TMPRSS2: variants seen among roughly 807,000 people sequenced by gnomAD.
TMPRSS2 encodes transmembrane protease serine 2.
A neutral mutation model predicts 67.4 loss-of-function variants in TMPRSS2; 59 were observed. The ratio of observed to expected loss-of-function variants is 0.88; its 90% CI spans 0.71 to 1.09. The LOEUF is 1.09. Among genes scored for constraint, TMPRSS2 ranks in the 50% least tolerant of loss-of-function variants. The pLI is 0.00. For missense variants in TMPRSS2, 668 were observed against 642.7 expected (o/e 1.04, Z -0.43); for synonymous variants, 257 against 257.0 (o/e 1.00, Z 0.00).
In TMPRSS2 at chr21:41,470,696, G is replaced by A. The variant is rs61735795; in HGVS notation, c.1123C>T (p.Pro375Ser). Residue 375 changes from proline to serine, a missense_variant, in exon 11 of 14, where the codon CCA becomes TCA. Coordinates refer to ENST00000332149, the MANE Select transcript of TMPRSS2 (RefSeq NM_005656.4). ...CCGGAAATCCAGCAGAGCTGTTCTG[G>A]CTGCAGCATCATGCCTGGGTTGGGC... is the stretch of plus-strand genomic sequence containing the variant. ...CLPNPGMMLQPEQLCWISGWG... is the reference protein window; with the variant it reads ...CLPNPGMMLQSEQLCWISGWG... The A allele has an allele frequency of 2.0e-4, 315 of 1,613,622 alleles. 4 individuals are homozygous for A. The African/African-American group carries it at 3.7e-3, about 19-fold the overall frequency.
At chr21:41,467,972 G>T (rs1569008410) in intron 12 of TMPRSS2, 86 bp from the exon 13 acceptor site, 8 of 1,497,854 alleles carry the variant, frequency 5.3e-6, no homozygotes, top group Non-Finnish European at 9.2e-7. Flanking sequence ...GAGTTGGGGG[G>T]CGGGGGTCGC....
chr21:41,466,619 AGGTGACGCCCCCTGGGC>A (rs1316673097), intron 13 of TMPRSS2, among the ~76,000 whole-genome samples: 13 of 152,114 alleles, frequency 8.5e-5, no homozygotes, highest in African/African-American at 3.1e-4. Flanking sequence ...GCCCTGGGCC[AGGTGACGCCCCCTGGGC>A]CCCATGGTCA....
intron 1 of TMPRSS2, among the ~76,000 whole-genome samples, chr21:41,506,837 G>A (rs890647448): frequency 6.6e-6 from 1 of 152,190 alleles, no homozygotes; most frequent in African/African-American, 2.4e-5. Flanking sequence ...GGAGGTTCTC[G>A]CGGCTGGGAG....
chr21:41,464,788 G>T lies in TMPRSS2; in HGVS notation c.*1354C>A, dbSNP rs975077386. The T allele has an allele frequency of 1.3e-5, 3 of 233,174 alleles. No homozygotes were observed. The highest frequency in any genetic ancestry group is 3.6e-4 in the South Asian group (2 of 5,524). 14.4% of individuals were successfully genotyped at this position (233,174 alleles called of 1,614,324 possible). Reference sequence around the variant, plus strand: ...CCTGGGAATGCTGCTCTCTACAGAGGCATGTGCACAGACAGATCCTGCAAA... The same window carrying T: ...CCTGGGAATGCTGCTCTCTACAGAGTCATGTGCACAGACAGATCCTGCAAA... On this transcript the variant is annotated 3_prime_UTR_variant, in exon 14 of 14. Transcript: ENST00000332149.
At chr21:41,479,103 C>A (rs1016063138) in intron 7 of TMPRSS2, 69 bp downstream of exon 7, 8 of 1,224,300 alleles carry the variant, frequency 6.5e-6, no homozygotes, top group African/African-American at 3.0e-5. Flanking sequence ...AGACTCAGGA[C>A]AACGATTCCC....
At chr21:41,493,423 G>A (rs1439909325) in intron 3 of TMPRSS2, among the ~76,000 whole-genome samples, 2 of 152,122 alleles carry the variant, frequency 1.3e-5, no homozygotes, top group East Asian at 3.9e-4. Context: ...GTGGGGGAGA[G>A]GTGGGGACAG....
chr21:41,485,003 GA>G (rs763401536), intron 5 of TMPRSS2, among the ~76,000 whole-genome samples: 1 of 151,888 alleles, frequency 6.6e-6, no homozygotes, highest in African/African-American at 2.4e-5. Context: ...AAACTCTCTG[GA>G]AAGAGAAGCA....
intron 3 of TMPRSS2, among the ~76,000 whole-genome samples, chr21:41,490,910 G>A (rs2091330325): frequency 6.6e-6 from 1 of 152,170 alleles, no homozygotes; most frequent in Admixed American, 6.5e-5. Context: ...GAGGTGGTGT[G>A]GCAGCCTGGA....
rs779855877 is a variant in TMPRSS2, at chr21:41,476,630, G to A, written c.684-10C>T. 1 of 1,489,336 alleles carries A rather than the reference G, an allele frequency of 6.7e-7. No homozygotes were observed. The highest frequency in any genetic ancestry group is 9.0e-7 in the Non-Finnish European group (1 of 1,113,842). The allele number at this position is 1,489,336 out of a possible 1,614,324, so 92.3% of individuals were successfully genotyped here. On this transcript the variant is annotated splice_polypyrimidine_tract_variant and intron_variant, in intron 7 of 13. Transcript: ENST00000332149. ...TGAAGAACAGGCATCACTGCAAAAAGAACAGGGGAAATTCTGGTCACGATA... is the reference window on the plus strand; with the variant it reads ...TGAAGAACAGGCATCACTGCAAAAAAAACAGGGGAAATTCTGGTCACGATA...
rs561179495 is a variant in TMPRSS2, at chr21:41,477,456, C to T, written c.684-836G>A. On this transcript the variant is annotated intron_variant, in intron 7 of 13. Transcript: ENST00000332149. ...CAGCTTTAGCCTAGCCTCATTCCAA[C>T]CTCCTCCTAGAAAAAAAATAATAAA... 2.6e-5 allele frequency among the ~76,000 whole-genome samples: 4 copies of T among 152,252 alleles called. No homozygotes were observed. The East Asian group carries it at 7.7e-4, about 29-fold the overall frequency.
At position 41,468,724 on chromosome 21, in the gene TMPRSS2, C is replaced by T. The variant is rs978602469; in HGVS notation, c.1172-186G>A. On this transcript the variant is annotated intron_variant, in intron 11 of 13. Transcript: ENST00000332149. ...TGGGAAACCTGGATTCTCCTTACAA[C>T]TGGCGGTGCCTGTGCTGAATGCAGC... is the stretch of plus-strand genomic sequence containing the variant. 1.2e-5 allele frequency: 7 copies of T among 602,762 alleles called. No homozygotes were observed. The African/African-American group carries it at 1.3e-4, about 11-fold the overall frequency. The allele number at this position is 602,762 out of a possible 1,614,324, so 37.3% of individuals were successfully genotyped here.
In TMPRSS2 at chr21:41,507,170, G is replaced by A. The variant is rs2091463624; in HGVS notation, c.-57+911C>T. The stretch of plus-strand genomic sequence containing the variant: ...GGCGCACAAACTTTCTGGACATGGG[G>A]CAGTTTTTCAGCTGGACCCGTGCTC... On this transcript the variant is annotated intron_variant, in intron 1 of 13. Transcript: ENST00000332149. 1.3e-5 allele frequency among the ~76,000 whole-genome samples: 2 copies of A among 152,212 alleles called. 1 individual carries two copies. Among genetic ancestry groups the A allele is most frequent in the Non-Finnish European group, 2.9e-5 (2 of 68,034 alleles).
intron 5 of TMPRSS2, among the ~76,000 whole-genome samples, chr21:41,484,934 A>G (rs1327237798): frequency 1.3e-5 from 2 of 152,176 alleles, no homozygotes; most frequent in Admixed American, 1.3e-4. Context: ...TCAACTGGCT[A>G]GGAACCACTG....
intron 1 of TMPRSS2, 145 bp from the exon 2 acceptor site, chr21:41,498,334 C>T (rs369566113): frequency 2.0e-5 from 12 of 598,580 alleles, no homozygotes; most frequent in South Asian, 1.7e-4. Context: ...CCTGCATCTT[C>T]ACCACTGCTT....
intron 11 of TMPRSS2, among the ~76,000 whole-genome samples, chr21:41,470,110 C>G (rs1215928200): frequency 6.6e-6 from 1 of 152,310 alleles, no homozygotes. Context: ...TTGTGCCTGC[C>G]ACTAAGCACT....
At chr21:41,486,921 C>T (rs1339970694) in intron 5 of TMPRSS2, 1 of 152,106 alleles carries the variant, frequency 6.6e-6, no homozygotes, top group Non-Finnish European at 1.5e-5. Flanking sequence ...GAAATGGAGA[C>T]TTTGCACCGT....
chr21:41,490,958 G>C (rs1199626566), intron 3 of TMPRSS2, among the ~76,000 whole-genome samples: 1 of 152,190 alleles, frequency 6.6e-6, no homozygotes, highest in South Asian at 2.1e-4. Context: ...CCGGAGGTCT[G>C]CCAGGGCGAT....
Position 41,465,997 on chromosome 21 carries a change from G to T in TMPRSS2, c.*145C>A. On this transcript the variant is annotated 3_prime_UTR_variant, in exon 14 of 14. Transcript: ENST00000332149. Reference sequence around the variant, plus strand: ...CCACTGCAGCCTGCACAGAATGGCAGAGAGTGCCAAAGCCAGACAAGTTCA... The same window carrying T: ...CCACTGCAGCCTGCACAGAATGGCATAGAGTGCCAAAGCCAGACAAGTTCA... The T allele has an allele frequency of 1.0e-6, 1 of 996,952 alleles. No individual in the cohort carries two copies. The highest frequency in any genetic ancestry group is 1.5e-6 in the Non-Finnish European group (1 of 657,012). The allele number at this position is 996,952 out of a possible 1,614,324, so 61.8% of individuals were successfully genotyped here.
rs774655723 is a variant in TMPRSS2 at position 41,471,945 on chromosome 21, C to T, written c.936G>A (p.Ala312=). Residue 312 remains alanine (A), a synonymous_variant, in exon 10 of 14, where the codon GCG becomes GCA. Coordinates refer to ENST00000332149, the MANE Select transcript of TMPRSS2 (RefSeq NM_005656.4). The stretch of plus-strand genomic sequence containing the variant: ...ACATGAAAGATTGTCTCAAAATCCC[C>T]GCAAATGCCGTCCAATGCCATGGAT... ...LNNPWHWTAF[A]GILRQSFMFY... is the part of the protein sequence containing the mutation. The T allele has an allele frequency of 8.1e-6, 13 of 1,612,556 alleles. No homozygotes were observed. The highest frequency in any genetic ancestry group is 3.3e-5 in the Admixed American group (2 of 59,922).
Sources: allele counts gnomAD v4.1 joint callset (sites outside exome capture counted in the v4.1 genomes callset), GRCh38; gene constraint gnomAD v4.1.1; transcripts MANE v1.5; gene names NCBI Gene and HGNC (gene_info 2026-07-23, HGNC 2026-07-21).